Variants in SNTG2 observed in about 807,000 individuals in gnomAD.
SNTG2 encodes syntrophin gamma 2.
In SNTG2, 74 loss-of-function variants were observed where a neutral mutation model predicts 70.9. That is an observed-to-expected ratio of 1.04 (90% CI 0.86 to 1.27). SNTG2 has a LOEUF of 1.27. SNTG2 is among the 50% of genes most tolerant of loss of function. The pLI is 0.00. For missense variants in SNTG2, 717 were observed against 690.7 expected, an observed-to-expected ratio of 1.04 and a Z score of -0.43; for synonymous variants, 278 against 273.8, an observed-to-expected ratio of 1.02 and a Z score of -0.15.
At position 1,214,863 on chromosome 2, in the gene SNTG2, C is replaced by T. The variant is rs558106004; in HGVS notation, c.719+5633C>T. 5.9e-5 allele frequency among the ~76,000 whole-genome samples: 9 copies of T among 152,282 alleles called. No homozygotes were observed. The South Asian group carries it at 6.2e-4, about 11-fold the overall frequency. ...TTTCATCATTAAGTATGATATTAGA[C>T]GTGGGCTTGTCACACGTGTTCTTTA... On this transcript the variant is annotated intron_variant, in intron 9 of 16. Transcript: ENST00000308624.
At chr2:1,062,936 A>AT (rs201052925) in intron 1 of SNTG2, among the ~76,000 whole-genome samples, 1,659 of 152,366 alleles carry the variant, frequency 0.011, 28 homozygotes, top group African/African-American at 0.038. Flanking sequence ...CTTGGTTACA[A>AT]TGCATATTTT....
intron 6 of SNTG2, among the ~76,000 whole-genome samples, chr2:1,143,596 C>A (rs1421421956): frequency 2.6e-5 from 4 of 151,624 alleles, no homozygotes; most frequent in African/African-American, 9.7e-5. Context: ...TGGCCAATGT[C>A]AGTGACTCAC....
At chr2:1,060,270 AGAAAT>A (rs1287377252) in intron 1 of SNTG2, among the ~76,000 whole-genome samples, 3 of 152,362 alleles carry the variant, frequency 2.0e-5, no homozygotes, top group East Asian at 3.9e-4. Context: ...TTCACTTTCA[AGAAAT>A]GAAATAACGA....
At chr2:1,084,660 G>A (rs1297107938) in intron 2 of SNTG2, among the ~76,000 whole-genome samples, 1 of 152,218 alleles carries the variant, frequency 6.6e-6, no homozygotes, top group Non-Finnish European at 1.5e-5. Context: ...AAATCCCCAA[G>A]CTGGGTAATT....
intron 8 of SNTG2, among the ~76,000 whole-genome samples, chr2:1,176,587 A>C (rs1253150135): frequency 6.6e-6 from 1 of 152,148 alleles, no homozygotes; most frequent in Non-Finnish European, 1.5e-5. Context: ...CAATTTTTGC[A>C]ATCTATCTGT....
At chr2:1,279,391 G>A (rs1211755412) in intron 14 of SNTG2, among the ~76,000 whole-genome samples, 1 of 152,150 alleles carries the variant, frequency 6.6e-6, no homozygotes, top group Non-Finnish European at 1.5e-5. Context: ...TTTATTGCAG[G>A]TATGCATGTA....
chr2:1,305,932 C>T (rs1057014445), intron 14 of SNTG2, among the ~76,000 whole-genome samples: 2 of 152,224 alleles, frequency 1.3e-5, no homozygotes, highest in Non-Finnish European at 2.9e-5. Flanking sequence ...ACAATTTCTA[C>T]AGATCCTATG....
rs1025151901 is a variant in SNTG2 at position 1,238,105 on chromosome 2, T to A, written c.849+88T>A. 142 of 1,467,118 alleles carry A rather than the reference T, an allele frequency of 9.7e-5. No individual in the cohort carries two copies. The African/African-American group carries it at 1.8e-3, about 19-fold the overall frequency. The allele number at this position is 1,467,118 out of a possible 1,614,324, so 90.9% of individuals were successfully genotyped here. A position where few individuals can be genotyped will look rare whatever the true frequency, so the allele number is the denominator to read the frequency against. ...CATCATGTTTCTGATGATTTATGAT[T>A]AACCCGAAACAGAAAATCATGTACT... On this transcript the variant is annotated intron_variant, in intron 10 of 16. Transcript: ENST00000308624.
At chr2:1,153,457 G>A (rs1009785731) in intron 6 of SNTG2, among the ~76,000 whole-genome samples, 1 of 152,176 alleles carries the variant, frequency 6.6e-6, no homozygotes, top group Non-Finnish European at 1.5e-5. Flanking sequence ...ACATCAAAAG[G>A]ATCTGCCTCT....
chr2:1,338,652 T>C (rs772802227), intron 16 of SNTG2, among the ~76,000 whole-genome samples: 53 of 152,212 alleles, frequency 3.5e-4, no homozygotes, highest in Non-Finnish European at 6.6e-4. Context: ...TGGCTTCTTT[T>C]GCTTAGAGCT....
chr2:1,011,636 T>C (rs1159239408), intron 1 of SNTG2, among the ~76,000 whole-genome samples: 3 of 152,086 alleles, frequency 2.0e-5, no homozygotes, highest in Admixed American at 6.6e-5. Flanking sequence ...GTTTCAAATA[T>C]ATTTAATTTT....
intron 9 of SNTG2, among the ~76,000 whole-genome samples, chr2:1,234,684 C>T (rs1158722823): frequency 6.6e-6 from 1 of 152,222 alleles, no homozygotes; most frequent in African/African-American, 2.4e-5. Context: ...CCGTGAGCCT[C>T]TGGGGCTCCA....
intron 4 of SNTG2, among the ~76,000 whole-genome samples, chr2:1,122,722 CAAAAAAAA>C (rs60163290): frequency 0.48 from 58,322 of 122,134 alleles, 12,321 homozygotes; most frequent in African/African-American, 0.57. Flanking sequence ...AGCAATCAGA[CAAAAAAAA>C]AAAAAAAAAA....
At chr2:1,103,682 C>G (rs1439888892) in intron 4 of SNTG2, among the ~76,000 whole-genome samples, 1 of 152,206 alleles carries the variant, frequency 6.6e-6, no homozygotes, top group Non-Finnish European at 1.5e-5. Context: ...GCCACCGCGC[C>G]TGGCCATGAT....
At chr2:987,653 C>T (rs947281698) in intron 1 of SNTG2, among the ~76,000 whole-genome samples, 4 of 152,062 alleles carry the variant, frequency 2.6e-5, no homozygotes, top group Non-Finnish European at 5.9e-5. Flanking sequence ...GTTCCAGAGC[C>T]GTGAGCGAAT....
chr2:1,304,997 C>T lies in SNTG2; in HGVS notation c.1285-3497C>T, dbSNP rs76829182. On this transcript the variant is annotated intron_variant, in intron 14 of 16. Transcript: ENST00000308624. ...TTTCGGTCACTTGTGGAAGGAGGTA[C>T]TTAGAACTTTTTTTTTTTTCTTGAA... is the stretch of plus-strand genomic sequence containing the variant. Among the ~76,000 whole-genome samples, 587 of 151,946 alleles carry T rather than the reference C, an allele frequency of 3.9e-3. 3 individuals carry two copies. The highest frequency in any genetic ancestry group is 0.014 in the African/African-American group (570 of 41,448).
chr2:979,016 C>A (rs1404369275), intron 1 of SNTG2, among the ~76,000 whole-genome samples: 1 of 152,204 alleles, frequency 6.6e-6, no homozygotes, highest in Non-Finnish European at 1.5e-5. Flanking sequence ...TAAACCAAGG[C>A]CCTGCTCTTC....
At chr2:1,122,965 AAAAAT>A (rs909131707) in intron 4 of SNTG2, among the ~76,000 whole-genome samples, 60 of 152,280 alleles carry the variant, frequency 3.9e-4, no homozygotes, top group African/African-American at 1.1e-3. Flanking sequence ...AGCATCAGAA[AAAAAT>A]AAAATATTTA....
intron 9 of SNTG2, among the ~76,000 whole-genome samples, chr2:1,224,435 C>T (rs986495576): frequency 1.3e-5 from 2 of 152,320 alleles, no homozygotes; most frequent in Non-Finnish European, 2.9e-5. Flanking sequence ...GACCTGGCTT[C>T]CCAGCCTCCT....
Sources: gnomAD v4.1 joint callset for allele counts (sites outside exome capture counted in the v4.1 genomes callset) on GRCh38, gnomAD v4.1.1 for gene constraint, MANE v1.5 for transcripts, NCBI Gene and HGNC (gene_info 2026-07-23, HGNC 2026-07-21) for gene names.